Variants in PPARD observed in about 807,000 individuals in gnomAD.
PPARD encodes peroxisome proliferator activated receptor delta.
PPARD carries 6 observed loss-of-function variants against 39.5 expected under a neutral mutation model. That is an observed-to-expected ratio of 0.15 (90% CI 0.08 to 0.30). The LOEUF (loss-of-function observed/expected upper bound fraction) is 0.30. Ranked by LOEUF, PPARD falls within the 10% of genes least tolerant of loss-of-function variation. PPARD has a pLI of 1.00. For missense variants in PPARD, 397 were observed against 596.8 expected (o/e 0.67, Z 3.49); for synonymous variants, 210 against 231.3 (o/e 0.91, Z 0.83).
In PPARD at chr6:35,385,668, CAAAT is replaced by C. The variant is rs1763603349; in HGVS notation, c.-101-25318_-101-25315del. The stretch of plus-strand genomic sequence containing the variant: ...ATTTAAAAAAAAAAAAAAAAAAAAA[CAAAT>C]GGGTAACTTGCTGCCTGCCAGGGAC... On this transcript the variant is annotated intron_variant, in intron 2 of 7. Coordinates refer to ENST00000360694, the MANE Select transcript of PPARD (RefSeq NM_006238.5). Among the ~76,000 whole-genome samples the C allele has an allele frequency of 3.2e-5, 3 of 93,466 alleles. 1 individual carries two copies. The highest frequency in any genetic ancestry group is 7.8e-4 in the South Asian group (2 of 2,552). The allele number at this position is 93,466 out of a possible 152,430, so 61.3% of individuals were successfully genotyped here.
chr6:35,399,531 A>G (rs1764564966), intron 2 of PPARD, among the ~76,000 whole-genome samples: 1 of 148,580 alleles, frequency 6.7e-6, no homozygotes, highest in Non-Finnish European at 1.5e-5. Flanking sequence ...CCTGGCCAAC[A>G]TGGTGAAAAC....
At chr6:35,372,936 A>C (rs1355939461) in intron 2 of PPARD, among the ~76,000 whole-genome samples, 1 of 152,224 alleles carries the variant, frequency 6.6e-6, no homozygotes, top group Non-Finnish European at 1.5e-5. Context: ...TTATAAACAA[A>C]AGAAACTGAT....
rs1356852401 is a variant in PPARD at position 35,363,472 on chromosome 6, A to G, written c.-102+16322A>G. ...GTTCCCATGTGAAACTGTATCCCTC[A>G]GCTGACACACGCTTGTAACTACAGC... On this transcript the variant is annotated intron_variant, in intron 2 of 7. Transcript: ENST00000360694. The surrounding 1 kb of genome is among the most constrained non-coding windows in gnomAD (Gnocchi z 4.5). 6.6e-6 allele frequency among the ~76,000 whole-genome samples: 1 copy of G among 152,206 alleles called. No homozygotes were observed. Among genetic ancestry groups the G allele is most frequent in the Non-Finnish European group, 1.5e-5 (1 of 68,042 alleles).
At chr6:35,403,149 G>T (rs1764812132) in intron 2 of PPARD, among the ~76,000 whole-genome samples, 1 of 152,220 alleles carries the variant, frequency 6.6e-6, no homozygotes, top group Non-Finnish European at 1.5e-5. Flanking sequence ...TCTGTCTGTG[G>T]AGGTCCCTTG....
chr6:35,374,428 C>T (rs548999166), intron 2 of PPARD, among the ~76,000 whole-genome samples: 1 of 151,716 alleles, frequency 6.6e-6, no homozygotes, highest in Non-Finnish European at 1.5e-5. Flanking sequence ...GAGGCCGAGG[C>T]GGGCGGATCA....
intron 2 of PPARD, among the ~76,000 whole-genome samples, chr6:35,356,285 A>C (rs1485872778): frequency 6.6e-6 from 1 of 152,220 alleles, no homozygotes; most frequent in Non-Finnish European, 1.5e-5. Context: ...AGTTGATCGC[A>C]GAGGCAGAGT....
chr6:35,396,120 G>T (rs1764297370), intron 2 of PPARD, among the ~76,000 whole-genome samples: 1 of 151,932 alleles, frequency 6.6e-6, no homozygotes. Context: ...CCTGGGTCTA[G>T]GATCCTACAT....
chr6:35,394,270 G>A (rs559092048), intron 2 of PPARD, among the ~76,000 whole-genome samples: 3 of 152,274 alleles, frequency 2.0e-5, no homozygotes, highest in Admixed American at 1.3e-4. Flanking sequence ...TGTATGTCAC[G>A]GCCATCCTGC....
intron 2 of PPARD, among the ~76,000 whole-genome samples, chr6:35,402,475 T>C (rs1233068490): frequency 6.6e-6 from 1 of 152,156 alleles, no homozygotes; most frequent in Non-Finnish European, 1.5e-5. Flanking sequence ...AGCTTTCCTA[T>C]CCCTGGTGAA....
intron 2 of PPARD, among the ~76,000 whole-genome samples, chr6:35,386,095 C>T (rs1039957858): frequency 6.6e-6 from 1 of 152,090 alleles, no homozygotes; most frequent in African/African-American, 2.4e-5. Flanking sequence ...GAGATGGAAG[C>T]AGGACCAGGG....
intron 1 of PPARD, among the ~76,000 whole-genome samples, chr6:35,344,853 C>T (rs76130734): frequency 0.021 from 3,188 of 152,286 alleles, 67 homozygotes; most frequent in African/African-American, 0.051. Context: ...CCAGTCCCTT[C>T]TCCACTGACC....
At chr6:35,408,481 G>A (rs1765206372) in intron 2 of PPARD, among the ~76,000 whole-genome samples, 1 of 152,222 alleles carries the variant, frequency 6.6e-6, no homozygotes, top group Non-Finnish European at 1.5e-5. Context: ...CATTTCCTGT[G>A]CTCTGGGTCT....
intron 2 of PPARD, among the ~76,000 whole-genome samples, chr6:35,365,610 C>T (rs755030328): frequency 1.3e-5 from 2 of 151,376 alleles, no homozygotes; most frequent in African/African-American, 4.9e-5. Context: ...CCCGCCTCAG[C>T]CTCCTGAGTA....
intron 2 of PPARD, among the ~76,000 whole-genome samples, chr6:35,382,590 C>T (rs924693911): frequency 6.6e-6 from 1 of 152,138 alleles, no homozygotes; most frequent in African/African-American, 2.4e-5. Context: ...CATTTTGATC[C>T]CAAGAACATC....
intron 2 of PPARD, among the ~76,000 whole-genome samples, chr6:35,377,363 A>G (rs1762868767): frequency 6.6e-6 from 1 of 152,188 alleles, no homozygotes; most frequent in Non-Finnish European, 1.5e-5. Context: ...TTTCACGTTA[A>G]TTTAGTCCCG....
intron 2 of PPARD, among the ~76,000 whole-genome samples, chr6:35,350,299 C>T (rs1477344283): frequency 6.6e-6 from 1 of 152,164 alleles, no homozygotes; most frequent in Non-Finnish European, 1.5e-5. Context: ...GTTGCCTGTG[C>T]TTGCGGGGTA....
Position 35,377,871 on chromosome 6 carries a change from C to CTTTTTTTTTT in PPARD, c.-102+30723_-102+30732dup, listed in dbSNP as rs540687692. Among the ~76,000 whole-genome samples, 161 of 120,366 alleles carry CTTTTTTTTTT rather than the reference C, an allele frequency of 1.3e-3. 11 individuals are homozygous for CTTTTTTTTTT. The highest frequency in any genetic ancestry group is 7.2e-3 in the East Asian group (25 of 3,488). The allele number at this position is 120,366 out of a possible 152,430, so 79.0% of individuals were successfully genotyped here. ...TGTGGGTCGCTGCTTGTTTACGTAT[C>CTTTTTTTTTT]TTTTTTTTTTTGAGACAGAGTGTTG... is the stretch of plus-strand genomic sequence containing the variant. On this transcript the variant is annotated intron_variant, in intron 2 of 7. Transcript: ENST00000360694.
chr6:35,385,951 G>A (rs1763626455), intron 2 of PPARD, among the ~76,000 whole-genome samples: 1 of 152,124 alleles, frequency 6.6e-6, no homozygotes, highest in Non-Finnish European at 1.5e-5. Context: ...TTCAAGGGCG[G>A]GTGAGGGAAG....
At chr6:35,381,969 G>A (rs1763179792) in intron 2 of PPARD, among the ~76,000 whole-genome samples, 1 of 152,110 alleles carries the variant, frequency 6.6e-6, no homozygotes, top group South Asian at 2.1e-4. Flanking sequence ...GCATGAAGTG[G>A]GTATCTTACA....
Sources: allele counts gnomAD v4.1 joint callset (sites outside exome capture counted in the v4.1 genomes callset), GRCh38; gene constraint gnomAD v4.1.1; non-coding constraint Gnocchi (gnomAD v3.1); transcripts MANE v1.5; gene names NCBI Gene and HGNC (gene_info 2026-07-23, HGNC 2026-07-21).